PXYLP1: variants seen among roughly 807,000 people sequenced by gnomAD.
The protein encoded by PXYLP1 is acid phosphatase-like 2.
A neutral mutation model predicts 37.9 loss-of-function variants in PXYLP1; 17 were observed. That is an observed-to-expected ratio of 0.45 (90% CI 0.31 to 0.67). The LOEUF (loss-of-function observed/expected upper bound fraction) is 0.67. Ranked by LOEUF, PXYLP1 falls within the 30% of genes least tolerant of loss-of-function variation. PXYLP1 has a pLI of 0.07. For missense variants in PXYLP1, 511 were observed against 612.0 expected, an observed-to-expected ratio of 0.84 and a Z score of 1.74; for synonymous variants, 221 against 232.2, an observed-to-expected ratio of 0.95 and a Z score of 0.44.
At position 141,243,581 on chromosome 3, in the gene PXYLP1, G is replaced by C. The variant is rs113332570; in HGVS notation, c.-54+11670G>C. Among the ~76,000 whole-genome samples the C allele has an allele frequency of 3.9e-5, 6 of 152,224 alleles. No homozygotes were observed. In the East Asian group the frequency reaches 5.8e-4, roughly 15 times the overall value. On this transcript the variant is annotated intron_variant, in intron 1 of 5. Transcript: ENST00000286353. ...CCTCCCTGCCTTTTAGTTTAGCACA[G>C]TTTCCGCCTCTTTCACGCAGCCCTC...
In PXYLP1 at chr3:141,231,867, C is replaced by G. The variant is rs1295531338; in HGVS notation, c.-98C>G. 1 of 151,038 alleles carries G rather than the reference C, an allele frequency of 6.6e-6. No individual in the cohort carries two copies. The highest frequency in any genetic ancestry group is 2.4e-5 in the African/African-American group (1 of 41,262). 9.4% of individuals were successfully genotyped at this position (151,038 alleles called of 1,614,324 possible). A position where few individuals can be genotyped will look rare whatever the true frequency, so the allele number is the denominator to read the frequency against. ...GAGGAGCTGGCGGCGAGCGCCGAGC[C>G]GGGCGCGCAGCGACGGAGCTGGGGC... On this transcript the variant is annotated 5_prime_UTR_variant, in exon 1 of 6. Transcript: ENST00000286353. This position sits in a 1 kb window ranked among gnomAD's most constrained non-coding sequence, Gnocchi z 4.4.
chr3:141,257,631 G>A (rs1941290343), intron 1 of PXYLP1, among the ~76,000 whole-genome samples: 1 of 152,164 alleles, frequency 6.6e-6, no homozygotes, highest in Non-Finnish European at 1.5e-5. Flanking sequence ...GGCAGTGTCA[G>A]CCGGGCACAG....
chr3:141,288,329 G>A (rs1391998853), intron 5 of PXYLP1, among the ~76,000 whole-genome samples: 1 of 152,214 alleles, frequency 6.6e-6, no homozygotes, highest in Non-Finnish European at 1.5e-5. Context: ...GACTTCAGCA[G>A]GGATGGAGGG....
At chr3:141,265,339 C>CA (rs34592411) in intron 2 of PXYLP1, among the ~76,000 whole-genome samples, 2,993 of 125,908 alleles carry the variant, frequency 0.024, 29 homozygotes, top group Non-Finnish European at 0.027. Flanking sequence ...GTTCCAAAAC[C>CA]AAAAAAAAAA....
At chr3:141,235,029 G>A (rs1940625672) in intron 1 of PXYLP1, 1 of 152,252 alleles carries the variant, frequency 6.6e-6, no homozygotes, top group Non-Finnish European at 1.5e-5. Flanking sequence ...GAAAGGATAG[G>A]AGAATGTTCA....
chr3:141,280,595 A>G (rs1941928534), intron 4 of PXYLP1, among the ~76,000 whole-genome samples: 1 of 152,222 alleles, frequency 6.6e-6, no homozygotes. Flanking sequence ...TAATCTTTAA[A>G]AACAGTAATA....
intron 3 of PXYLP1, 45 bp from the exon 4 acceptor site, chr3:141,279,333 G>T: frequency 6.2e-7 from 1 of 1,610,186 alleles, no homozygotes; most frequent in South Asian, 1.1e-5. Flanking sequence ...TAAAAGGATT[G>T]ACACCTATTG....
At chr3:141,289,160 T>C (rs1942142924) in intron 5 of PXYLP1, among the ~76,000 whole-genome samples, 1 of 152,240 alleles carries the variant, frequency 6.6e-6, no homozygotes, top group South Asian at 2.1e-4. Flanking sequence ...TGTCAGGACA[T>C]GGTTTTTCTG....
chr3:141,260,380 C>G lies in PXYLP1; in HGVS notation c.79+126C>G, dbSNP rs892508774. 4 of 1,099,626 alleles carry G rather than the reference C, an allele frequency of 3.6e-6. No homozygotes were observed. In the African/African-American group the frequency reaches 4.8e-5, roughly 13 times the overall value. 68.1% of individuals were successfully genotyped at this position (1,099,626 alleles called of 1,614,324 possible). ...GACAACGAAGTCTTTTTATTGTTGG[C>G]ACTCACAGTGGCCGGTTGCAAGGAG... On this transcript the variant is annotated intron_variant, in intron 2 of 5. Transcript: ENST00000286353.
intron 1 of PXYLP1, among the ~76,000 whole-genome samples, chr3:141,233,282 A>G (rs1335006751): frequency 6.6e-6 from 1 of 152,140 alleles, no homozygotes; most frequent in Non-Finnish European, 1.5e-5. Flanking sequence ...AGCCTGACCA[A>G]CATAAAAACC....
intron 1 of PXYLP1, among the ~76,000 whole-genome samples, chr3:141,242,888 T>G (rs1371532194): frequency 6.6e-6 from 1 of 152,200 alleles, no homozygotes; most frequent in East Asian, 1.9e-4. Flanking sequence ...TGGGGCTGGT[T>G]TGGTCACTTC....
chr3:141,237,158 G>A (rs1047987622), intron 1 of PXYLP1, among the ~76,000 whole-genome samples: 4 of 152,176 alleles, frequency 2.6e-5, no homozygotes, highest in East Asian at 1.9e-4. Context: ...CCCTGCCCAC[G>A]TTGCTTGATA....
chr3:141,275,254 C>G (rs1941763684), intron 2 of PXYLP1, among the ~76,000 whole-genome samples: 1 of 152,212 alleles, frequency 6.6e-6, no homozygotes, highest in Non-Finnish European at 1.5e-5. Context: ...CAAACCACTG[C>G]TTCCTTGGGT....
rs146307294 is a variant in PXYLP1 at position 141,278,902 on chromosome 3, G to A, written c.238+402G>A. ...GATGTCCACAGGATGTCCTGCTGGC[G>A]TCTTGCCATAGAAGTGAGGCAATTT... On this transcript the variant is annotated intron_variant, in intron 3 of 5. Transcript: ENST00000286353. Among the ~76,000 whole-genome samples the A allele has an allele frequency of 4.2e-3, 645 of 152,340 alleles. 3 individuals are homozygous for A. Among genetic ancestry groups the A allele is most frequent in the South Asian group, 0.026 (124 of 4,824 alleles).
chr3:141,262,586 G>C lies in PXYLP1; in HGVS notation c.79+2332G>C, dbSNP rs1283293307. The C allele has an allele frequency of 2.1e-6, 3 of 1,428,052 alleles. No homozygotes were observed. In the South Asian group the frequency reaches 4.2e-5, roughly 20 times the overall value. The allele number at this position is 1,428,052 out of a possible 1,614,324, so 88.5% of individuals were successfully genotyped here. ...TGAAAGTACCTTCTGTTTTAGGAAA[G>C]CCAATTTTCAGCCATACTTTTTTAA... On this transcript the variant is annotated intron_variant, in intron 2 of 5. Coordinates refer to ENST00000286353, the MANE Select transcript of PXYLP1 (RefSeq NM_001037172.3).
chr3:141,275,845 A>G (rs1398609821), intron 2 of PXYLP1, among the ~76,000 whole-genome samples: 1 of 152,198 alleles, frequency 6.6e-6, no homozygotes, highest in African/African-American at 2.4e-5. Flanking sequence ...ACAGAAATAT[A>G]TATTTCTATA....
chr3:141,234,801 G>A (rs180996985), intron 1 of PXYLP1: 3 of 152,380 alleles, frequency 2.0e-5, no homozygotes, highest in Admixed American at 1.3e-4. Context: ...GGCTAAAATT[G>A]AGACTGCCAC....
At chr3:141,291,660 A>C (rs1942212416) in intron 5 of PXYLP1, 1 of 153,072 alleles carries the variant, frequency 6.5e-6, no homozygotes, top group South Asian at 2.1e-4. Context: ...AGATTGTTCC[A>C]TATCATACAG....
chr3:141,277,633 CA>C (rs919239731), intron 2 of PXYLP1, among the ~76,000 whole-genome samples: 26 of 152,352 alleles, frequency 1.7e-4, no homozygotes, highest in African/African-American at 5.8e-4. Flanking sequence ...CCACCCCTGC[CA>C]GGGGGTGGGG....
Sources: gnomAD v4.1 joint callset for allele counts (sites outside exome capture counted in the v4.1 genomes callset) on GRCh38, gnomAD v4.1.1 for gene constraint, Gnocchi (gnomAD v3.1) non-coding constraint, MANE v1.5 for transcripts, NCBI Gene and HGNC (gene_info 2026-07-23, HGNC 2026-07-21) for gene names.